GLRB: variants seen among roughly 807,000 people sequenced by gnomAD.
The protein encoded by GLRB is glycine receptor beta, also known as glycine receptor subunit beta.
GLRB carries 33 observed loss-of-function variants against 54.2 expected under a neutral mutation model. The ratio of observed to expected loss-of-function variants is 0.61; its 90% confidence interval spans 0.46 to 0.81. The LOEUF (loss-of-function observed/expected upper bound fraction) is 0.81. Ranked by LOEUF, GLRB falls within the 40% of genes least tolerant of loss-of-function variation. GLRB has a pLI of 0.00. For synonymous variants in GLRB, 209 were observed against 208.2 expected, an observed-to-expected ratio of 1.00 and a Z score of -0.03; for missense variants, 572 against 584.6, an observed-to-expected ratio of 0.98 and a Z score of 0.22.
intron 7 of GLRB, 32 bp downstream of exon 7, chr4:157,138,981 C>T (rs771501519): frequency 1.3e-5 from 16 of 1,185,512 alleles, no homozygotes; most frequent in Non-Finnish European, 1.9e-5. Flanking sequence ...AAACGAAGTT[C>T]TATTTCAAAG....
At chr4:157,147,063 G>T (rs1190369550) in intron 8 of GLRB, among the ~76,000 whole-genome samples, 1 of 152,174 alleles carries the variant, frequency 6.6e-6, no homozygotes, top group Non-Finnish European at 1.5e-5. Context: ...GACACGTTAA[G>T]GTTCCAATGT....
chr4:157,170,201 C>G (rs1737865100), intron 9 of GLRB, among the ~76,000 whole-genome samples: 1 of 151,942 alleles, frequency 6.6e-6, no homozygotes, highest in Admixed American at 6.6e-5. Context: ...ATGAAATAAC[C>G]AATCAAAAGT....
intron 4 of GLRB, among the ~76,000 whole-genome samples, chr4:157,132,978 C>G (rs1373102701): frequency 1.3e-5 from 2 of 148,852 alleles, no homozygotes; most frequent in Non-Finnish European, 3.0e-5. Flanking sequence ...ATGGCTAGCA[C>G]CTAATGTAGT....
chr4:157,127,149 A>G (rs983887188), intron 4 of GLRB, among the ~76,000 whole-genome samples: 12 of 151,536 alleles, frequency 7.9e-5, no homozygotes, highest in African/African-American at 2.7e-4. Context: ...ATTTTATTTT[A>G]TATATTTTTA....
At chr4:157,085,704 A>C (rs561183168) in intron 2 of GLRB, among the ~76,000 whole-genome samples, 102 of 152,044 alleles carry the variant, frequency 6.7e-4, no homozygotes, top group Middle Eastern at 3.4e-3. Context: ...TCACTGTGTT[A>C]GCCAGGATGG....
chr4:157,079,684 A>G (rs1472278190), intron 2 of GLRB, among the ~76,000 whole-genome samples: 3 of 152,188 alleles, frequency 2.0e-5, no homozygotes, highest in African/African-American at 4.8e-5. Flanking sequence ...AGGTTCAGGA[A>G]TAACCACAAT....
At chr4:157,144,438 C>T (rs77449596) in intron 8 of GLRB, among the ~76,000 whole-genome samples, 1 of 152,102 alleles carries the variant, frequency 6.6e-6, no homozygotes, top group Non-Finnish European at 1.5e-5. Flanking sequence ...GGGCTGGTTG[C>T]CTGTCCCTTG....
intron 9 of GLRB, among the ~76,000 whole-genome samples, chr4:157,160,341 G>T (rs1277717017): frequency 6.6e-6 from 1 of 151,846 alleles, no homozygotes; most frequent in Non-Finnish European, 1.5e-5. Context: ...CTTCAGTTCT[G>T]CTGTGATCTT....
At chr4:157,140,754 C>T (rs948494269) in intron 7 of GLRB, among the ~76,000 whole-genome samples, 1 of 151,764 alleles carries the variant, frequency 6.6e-6, no homozygotes, top group African/African-American at 2.4e-5. Context: ...AAAATTGTTA[C>T]CCACATCCAG....
At chr4:157,124,912 C>G (rs186010403) in intron 4 of GLRB, among the ~76,000 whole-genome samples, 1 of 151,626 alleles carries the variant, frequency 6.6e-6, no homozygotes, top group East Asian at 2.0e-4. Context: ...TTTTATATAC[C>G]TTTATAAAGT....
At chr4:157,089,672 C>A (rs1448543426) in intron 2 of GLRB, among the ~76,000 whole-genome samples, 1 of 152,104 alleles carries the variant, frequency 6.6e-6, no homozygotes, top group African/African-American at 2.4e-5. Flanking sequence ...AGATATTCAT[C>A]CTTAGTTCTT....
chr4:157,126,889 A>G (rs1245782401), intron 4 of GLRB, among the ~76,000 whole-genome samples: 1 of 151,898 alleles, frequency 6.6e-6, no homozygotes, highest in Non-Finnish European at 1.5e-5. Flanking sequence ...CTGTTTATAC[A>G]ATCTATTTTC....
chr4:157,121,923 G>T (rs1195156984), intron 3 of GLRB, among the ~76,000 whole-genome samples: 1 of 151,242 alleles, frequency 6.6e-6, no homozygotes, highest in East Asian at 2.0e-4. Flanking sequence ...ATTAAAGTAA[G>T]AATTTGAACT....
chr4:157,130,223 T>A (rs1429689399), intron 4 of GLRB, among the ~76,000 whole-genome samples: 2 of 151,664 alleles, frequency 1.3e-5, no homozygotes, highest in Admixed American at 1.3e-4. Flanking sequence ...GTATCGAAAA[T>A]GTTTTTGCTG....
At chr4:157,156,813 T>C (rs1230184238) in intron 9 of GLRB, among the ~76,000 whole-genome samples, 1 of 152,218 alleles carries the variant, frequency 6.6e-6, no homozygotes, top group African/African-American at 2.4e-5. Flanking sequence ...TGTTATACAG[T>C]TTGAGATCTT....
At chr4:157,122,867 T>C (rs899978460) in intron 4 of GLRB, among the ~76,000 whole-genome samples, 1 of 151,736 alleles carries the variant, frequency 6.6e-6, no homozygotes, top group African/African-American at 2.4e-5. Flanking sequence ...GAAAATTGAT[T>C]TTCATAAGAT....
intron 4 of GLRB, among the ~76,000 whole-genome samples, chr4:157,128,076 C>G (rs1344038840): frequency 1.3e-5 from 2 of 151,774 alleles, no homozygotes; most frequent in African/African-American, 4.8e-5. Flanking sequence ...TATAACATAA[C>G]TTTTTCCATA....
intron 1 of GLRB, among the ~76,000 whole-genome samples, 172 bp from the exon 2 acceptor site, chr4:157,077,824 A>T (rs1054887903): frequency 2.0e-5 from 3 of 151,672 alleles, no homozygotes; most frequent in Non-Finnish European, 2.9e-5. Flanking sequence ...CAACTACTAT[A>T]TAAAAAATAC....
intron 9 of GLRB, among the ~76,000 whole-genome samples, chr4:157,156,413 C>T (rs540211942): frequency 5.9e-5 from 9 of 152,230 alleles, no homozygotes; most frequent in Non-Finnish European, 8.8e-5. Flanking sequence ...TTACTGAATT[C>T]GTTTATCAAA....
Sources: gnomAD v4.1 joint callset for allele counts (sites outside exome capture counted in the v4.1 genomes callset) on GRCh38, gnomAD v4.1.1 for gene constraint, MANE v1.5 for transcripts, NCBI Gene and HGNC (gene_info 2026-07-23, HGNC 2026-07-21) for gene names.